SMG7: variants seen among roughly 807,000 people sequenced by gnomAD.
The protein encoded by SMG7 is SMG7 nonsense mediated mRNA decay factor.
A neutral mutation model predicts 148.2 loss-of-function variants in SMG7; 34 were observed. That is an observed-to-expected ratio of 0.23 (90% confidence interval 0.17 to 0.31). The LOEUF (loss-of-function observed/expected upper bound fraction) is 0.31. SMG7 is among the 10% of genes least tolerant of loss of function. The pLI, the probability that SMG7 is intolerant of heterozygous loss-of-function variation, is 1.00. For synonymous variants in SMG7, 492 were observed against 515.1 expected (o/e 0.96, Z 0.61); for missense variants, 1,114 against 1,408.4 (o/e 0.79, Z 3.35).
chr1:183,544,868 G>T, intron 15 of SMG7, 62 bp from the exon 16 acceptor site: 2 of 1,536,450 alleles, frequency 1.3e-6, no homozygotes, highest in South Asian at 2.4e-5. Flanking sequence ...AAAAAAAAAT[G>T]ACTTTTTTTG....
chr1:183,516,014 G>A, intron 3 of SMG7, 23 bp downstream of exon 3: 1 of 1,396,846 alleles, frequency 7.2e-7, no homozygotes, highest in Admixed American at 1.7e-5. Flanking sequence ...TATCATTTGA[G>A]AAGTCCCTGT....
chr1:183,488,413 G>A (rs1656048730), intron 1 of SMG7, among the ~76,000 whole-genome samples: 1 of 152,128 alleles, frequency 6.6e-6, no homozygotes, highest in Non-Finnish European at 1.5e-5. Context: ...AAGGTGGGAA[G>A]GTTTTGTGGC....
intron 12 of SMG7, 45 bp downstream of exon 12, chr1:183,538,485 T>G (rs773008786): frequency 1.7e-5 from 22 of 1,282,842 alleles, no homozygotes; most frequent in South Asian, 9.5e-5. Context: ...GTGATTGCAG[T>G]ATTAAAATTA....
At chr1:183,510,548 T>TAG (rs1661891826) in intron 1 of SMG7, among the ~76,000 whole-genome samples, 1 of 152,152 alleles carries the variant, frequency 6.6e-6, no homozygotes, top group Non-Finnish European at 1.5e-5. Flanking sequence ...TGCTAGTTCT[T>TAG]ATAGGGCTTA....
At chr1:183,526,157 T>G (rs1197217882) in intron 4 of SMG7, among the ~76,000 whole-genome samples, 1 of 37,954 alleles carries the variant, frequency 2.6e-5, no homozygotes, top group Non-Finnish European at 4.5e-5. Flanking sequence ...TATATATATA[T>G]TTTTTTTTTT....
chr1:183,527,500 T>C lies in SMG7; in HGVS notation c.485-456T>C, dbSNP rs1666086051. On this transcript the variant is annotated intron_variant, in intron 5 of 22. Transcript: ENST00000688051. This position sits in a 1 kb window ranked among gnomAD's most constrained non-coding sequence, Gnocchi z 4.0. ...GTTGTTTTGCTTTAAATATAATCTT[T>C]GCACACACATATTTAATATTGCAAT... The C allele has an allele frequency of 2.5e-6, 1 of 406,164 alleles. No individual in the cohort carries two copies. The highest frequency in any genetic ancestry group is 5.1e-6 in the Non-Finnish European group (1 of 195,668). The allele number at this position is 406,164 out of a possible 1,614,324, so 25.2% of individuals were successfully genotyped here.
chr1:183,477,612 A>G (rs1392325366), intron 1 of SMG7, among the ~76,000 whole-genome samples: 3,800 of 118,366 alleles, frequency 0.032, 268 homozygotes, highest in Non-Finnish European at 0.046. Flanking sequence ...ATATGCATAT[A>G]TACGTGTGTG....
intron 7 of SMG7, 92 bp downstream of exon 7, chr1:183,529,134 GC>G: frequency 8.3e-7 from 1 of 1,210,896 alleles, no homozygotes; most frequent in South Asian, 1.5e-5. Context: ...GAAAATAACG[GC>G]CTATGCTTCT....
rs542187889 is a variant in SMG7, at chr1:183,547,296, T to C, written c.2892+44T>C. 1.4e-5 allele frequency: 22 copies of C among 1,520,410 alleles called. No individual in the cohort carries two copies. In the African/African-American group the frequency reaches 2.8e-4, roughly 19 times the overall value. The allele number at this position is 1,520,410 out of a possible 1,614,324, so 94.2% of individuals were successfully genotyped here. A position where few individuals can be genotyped will look rare whatever the true frequency, so the allele number is the denominator to read the frequency against. On this transcript the variant is annotated intron_variant, in intron 18 of 22. Coordinates refer to ENST00000688051, the MANE Select transcript of SMG7 (RefSeq NM_001375584.1). ...TCTGCTTCTTGGTCTAACCCCCAGC[T>C]GCTTCTCTGAGATACTGTAGTACAC...
Position 183,527,558 on chromosome 1 carries a change from A to G in SMG7, c.485-398A>G. Reference sequence around the variant, plus strand: ...AGACATTTTTCAAAATCACTTTATAAAATATTGAAAAATACATAATTTTCA... The same window carrying G: ...AGACATTTTTCAAAATCACTTTATAGAATATTGAAAAATACATAATTTTCA... On this transcript the variant is annotated intron_variant, in intron 5 of 22. Transcript: ENST00000688051. This position sits in a 1 kb window ranked among gnomAD's most constrained non-coding sequence, Gnocchi z 4.0. The G allele has an allele frequency of 2.2e-6, 1 of 455,902 alleles. No individual in the cohort carries two copies. The highest frequency in any genetic ancestry group is 1.6e-5 in the South Asian group (1 of 62,660). 28.2% of individuals were successfully genotyped at this position (455,902 alleles called of 1,614,324 possible).
chr1:183,549,176 A>T (rs1670508605), intron 18 of SMG7, 32 bp from the exon 19 acceptor site: 1 of 1,508,014 alleles, frequency 6.6e-7, no homozygotes, highest in Non-Finnish European at 9.2e-7. Flanking sequence ...AGAAGGTATA[A>T]CTTAATTACC....
intron 1 of SMG7, among the ~76,000 whole-genome samples, chr1:183,487,331 C>T (rs553095250): frequency 1.3e-5 from 2 of 152,294 alleles, no homozygotes; most frequent in East Asian, 3.9e-4. Context: ...ACCACTCTTT[C>T]TCTGACTCTC....
intron 1 of SMG7, among the ~76,000 whole-genome samples, chr1:183,484,148 C>T (rs180809040): frequency 1.1e-4 from 17 of 152,106 alleles, no homozygotes; most frequent in Admixed American, 4.6e-4. Flanking sequence ...CCTCCATAGC[C>T]GTGGGAGATT....
intron 1 of SMG7, among the ~76,000 whole-genome samples, chr1:183,474,444 A>T (rs1202370805): frequency 6.6e-6 from 1 of 152,136 alleles, no homozygotes; most frequent in African/African-American, 2.4e-5. Context: ...GGCGCCTGTA[A>T]TGCCGGCTAC....
At chr1:183,542,950 T>TGCGTGTGTGTGTGTGTGTGTGTGC (rs1247944648) in intron 14 of SMG7, among the ~76,000 whole-genome samples, 1 of 149,170 alleles carries the variant, frequency 6.7e-6, no homozygotes, top group Non-Finnish European at 1.5e-5. Flanking sequence ...TGTGTGTGTG[T>TGCGTGTGTGTGTGTGTGTGTGTGC]GTGTGTGTGT....
At position 183,477,118 on chromosome 1, in the gene SMG7, G is replaced by T. The variant is rs141653006; in HGVS notation, c.29+4469G>T. On this transcript the variant is annotated intron_variant, in intron 1 of 22. Transcript: ENST00000688051. ...AGACATCAAAGTTGTTTTGGAAGATGAGAAAGTAGAATAATCATAGCTATA... is the reference window on the plus strand; with the variant it reads ...AGACATCAAAGTTGTTTTGGAAGATTAGAAAGTAGAATAATCATAGCTATA... Among the ~76,000 whole-genome samples the T allele has an allele frequency of 2.0e-3, 304 of 152,240 alleles. 2 individuals are homozygous for T. The highest frequency in any genetic ancestry group is 7.1e-3 in the African/African-American group (296 of 41,548).
At chr1:183,514,497 T>C (rs1359950493) in intron 2 of SMG7, among the ~76,000 whole-genome samples, 1 of 152,232 alleles carries the variant, frequency 6.6e-6, no homozygotes, top group Non-Finnish European at 1.5e-5. Context: ...TACTGTATTA[T>C]GCTCTTGAAT....
intron 10 of SMG7, 73 bp from the exon 11 acceptor site, chr1:183,537,072 A>G: frequency 1.9e-6 from 2 of 1,063,192 alleles, no homozygotes; most frequent in Middle Eastern, 2.0e-4. Context: ...TATAGATACC[A>G]TTTTCATGGC....
In SMG7 at chr1:183,553,127, C is replaced by A; in HGVS notation, c.*1196C>A. ...TTTCAGAGTGAAATTCAAGGCAGCA[C>A]GGACATGTGCCCATCAGGCACAGAA... is the stretch of plus-strand genomic sequence containing the variant. On this transcript the variant is annotated 3_prime_UTR_variant, in exon 23 of 23. Coordinates refer to ENST00000688051, the MANE Select transcript of SMG7 (RefSeq NM_001375584.1). The A allele has an allele frequency of 6.5e-7, 1 of 1,536,322 alleles. No individual in the cohort carries two copies. The highest frequency in any genetic ancestry group is 8.7e-7 in the Non-Finnish European group (1 of 1,146,930).
Sources: allele counts gnomAD v4.1 joint callset (sites outside exome capture counted in the v4.1 genomes callset), GRCh38; gene constraint gnomAD v4.1.1; non-coding constraint Gnocchi (gnomAD v3.1); transcripts MANE v1.5; gene names NCBI Gene and HGNC (gene_info 2026-07-23, HGNC 2026-07-21).